SNTB1: variants seen among roughly 807,000 people sequenced by gnomAD.
The protein encoded by SNTB1 is syntrophin beta 1, also known as beta-1-syntrophin.
Under a neutral mutation model 48.9 loss-of-function variants are expected in SNTB1, and 36 were observed. That is an observed-to-expected ratio of 0.74 (90% CI 0.56 to 0.97). SNTB1 has a LOEUF of 0.97. Among genes scored for constraint, SNTB1 ranks in the 50% least tolerant of loss-of-function variants. The pLI is 0.00. For synonymous variants in SNTB1, 299 were observed against 294.6 expected (o/e 1.01, Z -0.15); for missense variants, 786 against 703.4 (o/e 1.12, Z -1.33).
chr8:120,794,327 T>C (rs1283406831), intron 1 of SNTB1, among the ~76,000 whole-genome samples: 2 of 152,066 alleles, frequency 1.3e-5, no homozygotes, highest in Non-Finnish European at 2.9e-5. Flanking sequence ...AGTTAATTTA[T>C]GACAGCATTA....
intron 3 of SNTB1, among the ~76,000 whole-genome samples, chr8:120,601,503 G>C (rs1308768676): frequency 2.0e-5 from 3 of 152,040 alleles, no homozygotes; most frequent in African/African-American, 7.3e-5. Flanking sequence ...CATATCCTTC[G>C]TGCTAAAAAA....
At chr8:120,633,002 T>C (rs1446715879) in intron 2 of SNTB1, among the ~76,000 whole-genome samples, 2 of 152,206 alleles carry the variant, frequency 1.3e-5, no homozygotes, top group Non-Finnish European at 2.9e-5. Flanking sequence ...ACTTCTTAAT[T>C]CACAGAGGAT....
intron 1 of SNTB1, among the ~76,000 whole-genome samples, chr8:120,702,334 C>T (rs1046301134): frequency 1.3e-5 from 2 of 152,222 alleles, no homozygotes; most frequent in African/African-American, 2.4e-5. Flanking sequence ...CTGGCACCTG[C>T]CTACTTCCTG....
chr8:120,733,033 G>A (rs1818876932), intron 1 of SNTB1, among the ~76,000 whole-genome samples: 1 of 152,176 alleles, frequency 6.6e-6, no homozygotes, highest in Admixed American at 6.5e-5. Context: ...CAGAATGCTA[G>A]TCCATGTAAC....
intron 1 of SNTB1, among the ~76,000 whole-genome samples, chr8:120,810,308 GA>G (rs1820403126): frequency 1.3e-5 from 2 of 152,190 alleles, no homozygotes; most frequent in Non-Finnish European, 2.9e-5. Context: ...GCTGTAGGCA[GA>G]CAGGAGAATT....
chr8:120,686,163 T>C (rs773968297), intron 2 of SNTB1, among the ~76,000 whole-genome samples: 3 of 152,234 alleles, frequency 2.0e-5, no homozygotes, highest in Non-Finnish European at 2.9e-5. Context: ...TTTCACAGCA[T>C]TGTACCTCAA....
At position 120,535,807 on chromosome 8, in the gene SNTB1, G is replaced by C. The variant is rs895696796; in HGVS notation, c.*3070C>G. The C allele has an allele frequency of 6.6e-6, 1 of 151,836 alleles. No homozygotes were observed. The highest frequency in any genetic ancestry group is 2.4e-5 in the African/African-American group (1 of 41,298). 9.4% of individuals were successfully genotyped at this position (151,836 alleles called of 1,614,324 possible). On this transcript the variant is annotated 3_prime_UTR_variant, in exon 7 of 7. Coordinates refer to ENST00000517992, the MANE Select transcript of SNTB1 (RefSeq NM_021021.4). ...TATATAAATTTTACATAATATTCAT[G>C]GTGCTATAAATATAGGCACATTTTT...
At chr8:120,702,982 TGTTTA>T (rs1466044165) in intron 1 of SNTB1, among the ~76,000 whole-genome samples, 3 of 152,066 alleles carry the variant, frequency 2.0e-5, no homozygotes, top group Non-Finnish European at 4.4e-5. Context: ...CTTGGAAGAG[TGTTTA>T]GTACATAGAA....
intron 2 of SNTB1, among the ~76,000 whole-genome samples, chr8:120,682,859 A>T (rs1046057202): frequency 7.3e-5 from 11 of 151,244 alleles, no homozygotes; most frequent in Admixed American, 6.6e-4. Flanking sequence ...GATAATACTC[A>T]TAGTTTTTTG....
Position 120,537,707 on chromosome 8 carries a change from GAT to G in SNTB1, c.*1168_*1169del, listed in dbSNP as rs1815223008. The stretch of plus-strand genomic sequence containing the variant: ...TATTTTTAGTGAATTTGTTTTGAAA[GAT>G]AAAAGTAAAAGCATTAAATCAGTAA... On this transcript the variant is annotated 3_prime_UTR_variant, in exon 7 of 7. Coordinates refer to ENST00000517992, the MANE Select transcript of SNTB1 (RefSeq NM_021021.4). 1 of 152,190 alleles carries G rather than the reference GAT, an allele frequency of 6.6e-6. No individual in the cohort carries two copies. The highest frequency in any genetic ancestry group is 2.1e-4 in the South Asian group (1 of 4,830). 9.4% of individuals were successfully genotyped at this position (152,190 alleles called of 1,614,324 possible). A position where few individuals can be genotyped will look rare whatever the true frequency, so the allele number is the denominator to read the frequency against.
chr8:120,622,574 TTCCATGATGTG>T (rs1816811121), intron 3 of SNTB1, among the ~76,000 whole-genome samples: 1 of 152,144 alleles, frequency 6.6e-6, no homozygotes, highest in Non-Finnish European at 1.5e-5. Context: ...AAAATAATTA[TTCCATGATGTG>T]AGGGACAAGG....
intron 2 of SNTB1, among the ~76,000 whole-genome samples, chr8:120,644,113 C>T (rs1484694865): frequency 6.6e-6 from 1 of 151,826 alleles, no homozygotes; most frequent in East Asian, 1.9e-4. Context: ...AGCTGTGTAC[C>T]AGTAGCCTAT....
intron 1 of SNTB1, among the ~76,000 whole-genome samples, chr8:120,767,312 T>C (rs1819543328): frequency 6.6e-6 from 1 of 152,224 alleles, no homozygotes; most frequent in Admixed American, 6.5e-5. Flanking sequence ...GAATGATGAT[T>C]CTCTGGGGAC....
intron 2 of SNTB1, among the ~76,000 whole-genome samples, chr8:120,657,089 T>G (rs7821110): frequency 0.85 from 129,214 of 152,194 alleles, 55,060 homozygotes; most frequent in Middle Eastern, 0.93. Context: ...TGGATGTCTT[T>G]TTACAATCTC....
intron 1 of SNTB1, among the ~76,000 whole-genome samples, chr8:120,763,843 G>C (rs1198058561): frequency 6.7e-6 from 1 of 150,254 alleles, no homozygotes; most frequent in Non-Finnish European, 1.5e-5. Context: ...GTTTTATAGA[G>C]ATGGGGTCTT....
At chr8:120,775,239 C>T (rs1819711144) in intron 1 of SNTB1, 1 of 151,546 alleles carries the variant, frequency 6.6e-6, no homozygotes, top group Non-Finnish European at 1.5e-5. Context: ...CTCTCTTTCT[C>T]ATATAGTTGG....
intron 4 of SNTB1, among the ~76,000 whole-genome samples, chr8:120,566,511 T>C (rs1317911696): frequency 6.6e-6 from 1 of 152,054 alleles, no homozygotes; most frequent in Admixed American, 6.6e-5. Flanking sequence ...TCCAGAACTG[T>C]GAGAACATTT....
intron 3 of SNTB1, among the ~76,000 whole-genome samples, chr8:120,584,820 G>A (rs981395627): frequency 6.6e-6 from 1 of 152,192 alleles, no homozygotes; most frequent in Admixed American, 6.5e-5. Flanking sequence ...GCTAATAAAA[G>A]GGGAAAGGTG....
chr8:120,589,774 C>T (rs67339289), intron 3 of SNTB1, among the ~76,000 whole-genome samples: 26,835 of 152,032 alleles, frequency 0.18, 2,910 homozygotes, highest in East Asian at 0.44. Flanking sequence ...AATGACCCGC[C>T]CTCATGACAT....
Sources: gnomAD v4.1 joint callset for allele counts (sites outside exome capture counted in the v4.1 genomes callset) on GRCh38, gnomAD v4.1.1 for gene constraint, MANE v1.5 for transcripts, NCBI Gene and HGNC (gene_info 2026-07-23, HGNC 2026-07-21) for gene names.